The following KHDRBS2 variants were observed in gnomAD, a reference collection of about 807,000 sequenced individuals.
The protein encoded by KHDRBS2 is KH RNA binding domain containing, signal transduction associated 2, also known as KH domain-containing, RNA-binding, signal transduction-associated protein 2.
In KHDRBS2, 26 loss-of-function variants were observed where a neutral mutation model predicts 44.3. The observed-to-expected ratio is 0.59, with a 90% CI of 0.43 to 0.81. The LOEUF is 0.81. Ranked by LOEUF, KHDRBS2 falls within the 40% of genes least tolerant of loss-of-function variation. The pLI, the probability that KHDRBS2 is intolerant of heterozygous loss-of-function variation, is 0.00. For missense variants in KHDRBS2, 476 were observed against 433.1 expected (o/e 1.10, Z -0.88); for synonymous variants, 194 against 151.1 (o/e 1.28, Z -2.08).
chr6:61,778,732 C>T (rs192732316), intron 6 of KHDRBS2, among the ~76,000 whole-genome samples: 1 of 152,240 alleles, frequency 6.6e-6, no homozygotes, highest in Non-Finnish European at 1.5e-5. Context: ...TATGCCAAAC[C>T]CTTAATGCCA....
downstream of KHDRBS2, among the ~76,000 whole-genome samples, chr6:61,678,201 T>C (rs1215447033): frequency 2.0e-5 from 3 of 151,952 alleles, no homozygotes; most frequent in Non-Finnish European, 4.4e-5. Flanking sequence ...AACATCACAC[T>C]AAGTCATTTC....
intron 1 of KHDRBS2, among the ~76,000 whole-genome samples, chr6:62,210,352 C>T (rs1384284364): frequency 2.4e-4 from 32 of 131,202 alleles, no homozygotes; most frequent in Non-Finnish European, 4.4e-4. Flanking sequence ...TTTTTCAAGA[C>T]GAAGTCTCGC....
At chr6:62,153,423 G>A (rs1025797179) in intron 2 of KHDRBS2, among the ~76,000 whole-genome samples, 1 of 151,998 alleles carries the variant, frequency 6.6e-6, no homozygotes, top group Admixed American at 6.5e-5. Flanking sequence ...CCTTCTTTTT[G>A]CATTGTACTG....
At chr6:62,263,855 T>C (rs1184105672) in intron 1 of KHDRBS2, among the ~76,000 whole-genome samples, 17 of 151,774 alleles carry the variant, frequency 1.1e-4, no homozygotes, top group Non-Finnish European at 1.5e-5. Context: ...CCTAAATGAA[T>C]AGCATATTTT....
At position 61,870,300 on chromosome 6, in the gene KHDRBS2, A is replaced by G. The variant is rs892147384; in HGVS notation, c.810+24335T>C. On this transcript the variant is annotated intron_variant, in intron 6 of 8. Coordinates refer to ENST00000281156, the MANE Select transcript of KHDRBS2 (RefSeq NM_152688.4). The stretch of plus-strand genomic sequence containing the variant: ...GGGAAGTTCGAACGGGACGGAGCCC[A>G]CGCAGCTCAGTAAGGCTGCTGTGGC... Among the ~76,000 whole-genome samples the G allele has an allele frequency of 4.6e-5, 7 of 152,284 alleles. No individual in the cohort carries two copies. The South Asian group carries it at 6.2e-4, about 14-fold the overall frequency.
chr6:61,854,754 TAC>T (rs1729063647), intron 6 of KHDRBS2, among the ~76,000 whole-genome samples: 3 of 152,182 alleles, frequency 2.0e-5, no homozygotes, highest in Admixed American at 2.0e-4. Context: ...TGAGAATATT[TAC>T]AGAGGAAACA....
At chr6:61,577,769 T>G in the KHDRBS2 span, among the ~76,000 whole-genome samples, 2 of 152,194 alleles carry the variant, frequency 1.3e-5, no homozygotes, top group African/African-American at 4.8e-5. Flanking sequence ...ATTTTTAACA[T>G]TTTATTGTAA....
downstream of KHDRBS2, among the ~76,000 whole-genome samples, chr6:61,675,829 G>C (rs1004288013): frequency 6.6e-6 from 1 of 151,696 alleles, no homozygotes; most frequent in African/African-American, 2.4e-5. Context: ...TTTTCAGTGA[G>C]GTTTCCAGTT....
At chr6:61,597,880 A>G in the KHDRBS2 span, among the ~76,000 whole-genome samples, 1 of 140,730 alleles carries the variant, frequency 7.1e-6, no homozygotes, top group South Asian at 2.4e-4. Context: ...ATGGGGAAAT[A>G]GGATCTAAAG....
At chr6:61,948,254 T>G (rs1472994684) in intron 4 of KHDRBS2, among the ~76,000 whole-genome samples, 1 of 152,138 alleles carries the variant, frequency 6.6e-6, no homozygotes, top group Non-Finnish European at 1.5e-5. Flanking sequence ...GCTAAGTAAG[T>G]GGCTTTTTAG....
At chr6:62,093,617 G>A (rs181995749) in intron 2 of KHDRBS2, among the ~76,000 whole-genome samples, 1 of 151,642 alleles carries the variant, frequency 6.6e-6, no homozygotes, top group African/African-American at 2.4e-5. Context: ...AATATAGCTT[G>A]GGGCTTGTTG....
intron 2 of KHDRBS2, among the ~76,000 whole-genome samples, chr6:62,148,644 C>A (rs2150103624): frequency 6.6e-6 from 1 of 152,056 alleles, no homozygotes; most frequent in Admixed American, 6.6e-5. Context: ...AAACAAGCCT[C>A]AGACCTCTCT....
chr6:62,251,336 T>TA (rs1836492557), intron 1 of KHDRBS2, among the ~76,000 whole-genome samples: 2 of 151,884 alleles, frequency 1.3e-5, no homozygotes, highest in Admixed American at 1.3e-4. Flanking sequence ...AATGGCTAAT[T>TA]AAAAAACCAC....
In KHDRBS2 at chr6:62,145,260, G is replaced by GTT. The variant is rs140865048; in HGVS notation, c.219+31923_219+31924dup. Among the ~76,000 whole-genome samples, 42 of 148,690 alleles carry GTT rather than the reference G, an allele frequency of 2.8e-4. No homozygotes were observed. In the East Asian group the frequency reaches 3.1e-3, roughly 11 times the overall value. Reference sequence around the variant, plus strand: ...TCATTCCTACTGCTTTCTCTTTTTTGTTTTTTTTTGGTAGGCTTGATATTT... The same window carrying GTT: ...TCATTCCTACTGCTTTCTCTTTTTTGTTTTTTTTTTTGGTAGGCTTGATATTT... On this transcript the variant is annotated intron_variant, in intron 2 of 8. Transcript: ENST00000281156.
At chr6:62,094,415 C>T (rs573087506) in intron 2 of KHDRBS2, among the ~76,000 whole-genome samples, 3 of 151,772 alleles carry the variant, frequency 2.0e-5, no homozygotes, top group South Asian at 4.2e-4. Flanking sequence ...ATTTAAATTC[C>T]TTATATATTT....
At chr6:61,892,702 T>TC (rs1384313686) in intron 6 of KHDRBS2, among the ~76,000 whole-genome samples, 1 of 152,162 alleles carries the variant, frequency 6.6e-6, no homozygotes, top group Non-Finnish European at 1.5e-5. Context: ...TAGCCATATG[T>TC]AGAAAGCTGA....
intron 3 of KHDRBS2, among the ~76,000 whole-genome samples, chr6:62,012,757 A>C (rs1780534171): frequency 6.6e-6 from 1 of 152,042 alleles, no homozygotes; most frequent in South Asian, 2.1e-4. Flanking sequence ...GTCTTTCTTG[A>C]CTACTCTAAC....
intron 1 of KHDRBS2, among the ~76,000 whole-genome samples, chr6:62,232,089 A>AAAAT (rs1347575114): frequency 6.6e-6 from 1 of 152,206 alleles, no homozygotes; most frequent in Non-Finnish European, 1.5e-5. Flanking sequence ...TAGTCATGAA[A>AAAAT]AAATAAGTTA....
intron 4 of KHDRBS2, among the ~76,000 whole-genome samples, chr6:61,970,568 T>C (rs1771160440): frequency 6.6e-6 from 1 of 152,164 alleles, no homozygotes; most frequent in Non-Finnish European, 1.5e-5. Flanking sequence ...AACACTTCAC[T>C]GTGAGAACTC....
Sources: gnomAD v4.1 joint callset for allele counts (sites outside exome capture counted in the v4.1 genomes callset) on GRCh38, gnomAD v4.1.1 for gene constraint, MANE v1.5 for transcripts, NCBI Gene and HGNC (gene_info 2026-07-23, HGNC 2026-07-21) for gene names.